The following DNAH7 variants were observed in gnomAD, a reference collection of about 807,000 sequenced individuals.
DNAH7 encodes dynein axonemal heavy chain 7, also known as axonemal beta dynein heavy chain 7.
A neutral mutation model predicts 444.6 loss-of-function variants in DNAH7; 397 were observed. The observed-to-expected ratio is 0.89, with a 90% CI of 0.82 to 0.97. The LOEUF is 0.97. Among genes scored for constraint, DNAH7 ranks in the 50% least tolerant of loss-of-function variants. DNAH7 has a pLI of 0.00. For synonymous variants in DNAH7, 1,636 were observed against 1,624.4 expected (o/e 1.01, Z -0.17); for missense variants, 4,902 against 4,800.8 (o/e 1.02, Z -0.62).
chr2:195,941,316 AACAATGAGAAC>A (rs1360901610), intron 19 of DNAH7, among the ~76,000 whole-genome samples: 1 of 152,114 alleles, frequency 6.6e-6, no homozygotes, highest in Non-Finnish European at 1.5e-5. Context: ...ACGGGAGTTG[AACAATGAGAAC>A]ACATGGACAC....
rs950121182 is a variant in DNAH7 at position 195,900,387 on chromosome 2, A to G, written c.4443T>C (p.Ile1481=). 6.2e-7 allele frequency: 1 copy of G among 1,614,072 alleles called. No homozygotes were observed. The change falls in exon 28 of 65, where the codon ATT becomes ATC. Residue 1481 remains isoleucine, a synonymous_variant. Coordinates refer to ENST00000312428, the MANE Select transcript of DNAH7 (RefSeq NM_018897.3). ...FVTARPLSVK[I]VATYRLCSEQ... The stretch of plus-strand genomic sequence containing the variant: ...CTGAACACAAGCGATACGTAGCCAC[A>G]ATTTTTACAGACAGTGGTCGAGCAG...
intron 1 of DNAH7, among the ~76,000 whole-genome samples, chr2:196,066,822 T>TA (rs59486710): frequency 2.0e-5 from 3 of 152,194 alleles, no homozygotes; most frequent in East Asian, 3.8e-4. Flanking sequence ...AAATGTCACA[T>TA]AAAAAATGGC....
chr2:196,038,046 C>T (rs1030413085), intron 5 of DNAH7, among the ~76,000 whole-genome samples: 2 of 151,450 alleles, frequency 1.3e-5, no homozygotes, highest in Admixed American at 6.6e-5. Context: ...AATAGCCAAC[C>T]GAAAAACAGC....
intron 56 of DNAH7, 120 bp downstream of exon 56, chr2:195,796,456 A>G: frequency 8.3e-7 from 1 of 1,199,550 alleles, no homozygotes. Context: ...CCTGCAATCC[A>G]GCCAAAGCAC....
At chr2:195,947,434 C>T (rs865942747) in intron 19 of DNAH7, among the ~76,000 whole-genome samples, 10 of 152,178 alleles carry the variant, frequency 6.6e-5, no homozygotes, top group African/African-American at 1.7e-4. Context: ...CTAATGCTAT[C>T]CCTCCCCTAC....
intron 1 of DNAH7, among the ~76,000 whole-genome samples, chr2:196,058,799 T>A (rs1697971706): frequency 6.6e-6 from 1 of 152,118 alleles, no homozygotes; most frequent in African/African-American, 2.4e-5. Context: ...CCTATCAAAA[T>A]CCCAGCTTCC....
At chr2:195,746,914 C>A (rs1693450824) in intron 63 of DNAH7, among the ~76,000 whole-genome samples, 1 of 151,898 alleles carries the variant, frequency 6.6e-6, no homozygotes, top group Non-Finnish European at 1.5e-5. Flanking sequence ...AAAATTGACA[C>A]CCTAACATCA....
intron 20 of DNAH7, among the ~76,000 whole-genome samples, chr2:195,935,881 C>G (rs902815332): frequency 6.6e-6 from 1 of 152,066 alleles, no homozygotes; most frequent in African/African-American, 2.4e-5. Flanking sequence ...AAGGAGGCTG[C>G]CCCTTTTACC....
intron 54 of DNAH7, 99 bp from the exon 55 acceptor site, chr2:195,799,571 C>T: frequency 2.8e-6 from 3 of 1,080,448 alleles, no homozygotes; most frequent in Non-Finnish European, 3.8e-6. Context: ...AATACCCTAG[C>T]TCTATTAGTT....
intron 63 of DNAH7, among the ~76,000 whole-genome samples, chr2:195,750,752 G>A (rs1693749552): frequency 6.6e-6 from 1 of 152,190 alleles, no homozygotes; most frequent in South Asian, 2.1e-4. Context: ...GGTATTGTGA[G>A]GATTCAGTGT....
intron 34 of DNAH7, among the ~76,000 whole-genome samples, chr2:195,885,439 A>G (rs1317174504): frequency 1.3e-5 from 2 of 152,194 alleles, no homozygotes; most frequent in Non-Finnish European, 2.9e-5. Context: ...CTATGCTCAT[A>G]AAAGTTCTGG....
At position 195,888,272 on chromosome 2, in the gene DNAH7, T is replaced by C. The variant is rs1360990822; in HGVS notation, c.5392A>G (p.Arg1798Gly). Reference protein sequence around the residue: ...RMVPVSVEFIRKHTKELSPTS... With the variant: ...RMVPVSVEFIGKHTKELSPTS... ...ATTTCCCTTACCTTTGTATGCTTTC[T>C]AATAAATTCAACCGAAACAGGGACC... Residue 1798 changes from arginine to glycine, a missense_variant, in exon 33 of 65, where the codon AGA (arginine) becomes GGA (glycine). Transcript: ENST00000312428. 1.2e-6 allele frequency: 2 copies of C among 1,609,372 alleles called. No homozygotes were observed. The highest frequency in any genetic ancestry group is 1.7e-5 in the Admixed American group (1 of 59,040).
intron 49 of DNAH7, among the ~76,000 whole-genome samples, chr2:195,824,048 T>C (rs1697595998): frequency 6.6e-6 from 1 of 152,192 alleles, no homozygotes; most frequent in Non-Finnish European, 1.5e-5. Flanking sequence ...GATGACCTTT[T>C]TTCACAGCAT....
At chr2:196,011,532 C>A (rs1336673215) in intron 10 of DNAH7, among the ~76,000 whole-genome samples, 1 of 151,996 alleles carries the variant, frequency 6.6e-6, no homozygotes, top group East Asian at 1.9e-4. Context: ...GGAAACCACA[C>A]ACTGTGAGTA....
At chr2:195,774,820 ACT>A (rs997492592) in intron 60 of DNAH7, among the ~76,000 whole-genome samples, 1 of 152,180 alleles carries the variant, frequency 6.6e-6, no homozygotes, top group African/African-American at 2.4e-5. Flanking sequence ...TGCCATTTTT[ACT>A]CTGAGATGCC....
Position 195,858,614 on chromosome 2 carries a change from T to G in DNAH7, c.7927A>C (p.Ile2643Leu). The part of the protein sequence containing the change: ...ESVEVAKTEK[I>L]VKADETIANE... ...GCTATTGTTTCATCAGCTTTCACTA[T>G]TTTTTCAGTTTTGGCAACTTCTACA... is the stretch of plus-strand genomic sequence containing the variant. The change falls in exon 43 of 65, where the codon ATA (isoleucine) becomes CTA (leucine). Residue 2643 changes from isoleucine to leucine, a missense_variant. Coordinates refer to ENST00000312428, the MANE Select transcript of DNAH7 (RefSeq NM_018897.3). The G allele has an allele frequency of 1.2e-6, 2 of 1,614,022 alleles. No homozygotes were observed. Among genetic ancestry groups the G allele is most frequent in the Non-Finnish European group, 1.7e-6 (2 of 1,179,946 alleles).
intron 17 of DNAH7, among the ~76,000 whole-genome samples, chr2:195,966,690 C>T (rs545665176): frequency 6.6e-6 from 1 of 152,204 alleles, no homozygotes; most frequent in East Asian, 1.9e-4. Flanking sequence ...ATCCTTGTAT[C>T]GTTATATAAT....
rs569602406 is a variant in DNAH7, at chr2:195,917,172, CA to C, written c.3935+4915del. Among the ~76,000 whole-genome samples, 71 of 136,592 alleles carry C rather than the reference CA, an allele frequency of 5.2e-4. No individual in the cohort carries two copies. In the South Asian group the frequency reaches 5.6e-3, roughly 11 times the overall value. The allele number at this position is 136,592 out of a possible 152,430, so 89.6% of individuals were successfully genotyped here. A position where few individuals can be genotyped will look rare whatever the true frequency, so the allele number is the denominator to read the frequency against. ...TGGGTGACAAAGTGAGATTCCATCT[CA>C]AAAAAAAAAAGAAATATCTGAAGCT... On this transcript the variant is annotated intron_variant, in intron 24 of 64. Transcript: ENST00000312428.
At chr2:195,754,626 T>G in intron 62 of DNAH7, 112 bp from the exon 63 acceptor site, 1 of 1,017,514 alleles carries the variant, frequency 9.8e-7, no homozygotes, top group Non-Finnish European at 1.4e-6. Context: ...TCCTCTCACC[T>G]CAGCCTCCCA....
Sources: gnomAD v4.1 joint callset for allele counts (sites outside exome capture counted in the v4.1 genomes callset) on GRCh38, gnomAD v4.1.1 for gene constraint, MANE v1.5 for transcripts, NCBI Gene and HGNC (gene_info 2026-07-23, HGNC 2026-07-21) for gene names.